STX1B: variants seen among roughly 807,000 people sequenced by gnomAD.
STX1B encodes syntaxin 1B, also known as syntaxin-1B.
Under a neutral mutation model 39.4 loss-of-function variants are expected in STX1B, and 7 were observed. The ratio of observed to expected loss-of-function variants is 0.18; its 90% confidence interval spans 0.10 to 0.33. The LOEUF is 0.33. Ranked by LOEUF, STX1B falls within the 10% of genes least tolerant of loss-of-function variation. STX1B has a pLI of 1.00. For synonymous variants in STX1B, 136 were observed against 144.1 expected (o/e 0.94, Z 0.40); for missense variants, 198 against 383.2 (o/e 0.52, Z 4.04).
At position 30,993,253 on chromosome 16, in the gene STX1B, G is replaced by A. The variant is rs2056573177; in HGVS notation, c.676-13C>T. 6.2e-7 allele frequency: 1 copy of A among 1,613,952 alleles called. No individual in the cohort carries two copies. Among genetic ancestry groups the A allele is most frequent in the Non-Finnish European group, 8.5e-7 (1 of 1,179,918 alleles). ...CAATCATCTCTCCCTGCAGACAGAG[G>A]AGACATGCACAGGGAGGGATGGGGG... On this transcript the variant is annotated splice_polypyrimidine_tract_variant and intron_variant, in intron 8 of 9. Coordinates refer to ENST00000215095, the MANE Select transcript of STX1B (RefSeq NM_052874.5).
intron 7 of STX1B, among the ~76,000 whole-genome samples, chr16:30,993,922 G>A (rs2056576771): frequency 6.6e-6 from 1 of 150,718 alleles, no homozygotes; most frequent in South Asian, 2.1e-4. Flanking sequence ...GGGGGCAGAG[G>A]TTGCAGTGAG....
In STX1B at chr16:30,991,170, A is replaced by G. The variant is rs1343689960; in HGVS notation, c.*1651T>C. The G allele has an allele frequency of 6.5e-6, 1 of 152,700 alleles. No homozygotes were observed. Among genetic ancestry groups the G allele is most frequent in the Non-Finnish European group, 1.5e-5 (1 of 68,080 alleles). The allele number at this position is 152,700 out of a possible 1,614,324, so 9.5% of individuals were successfully genotyped here. A position where few individuals can be genotyped will look rare whatever the true frequency, so the allele number is the denominator to read the frequency against. On this transcript the variant is annotated 3_prime_UTR_variant, in exon 10 of 10. Transcript: ENST00000215095. Reference sequence around the variant, plus strand: ...AAGTAGCCCTTTCCTTCCAGGAGGCATTCGTGTGATCCCCGCACCCATGCC... The same window carrying G: ...AAGTAGCCCTTTCCTTCCAGGAGGCGTTCGTGTGATCCCCGCACCCATGCC...
Position 31,001,851 on chromosome 16 carries a change from G to A in STX1B, c.31-248C>T, listed in dbSNP as rs1418294492. 6.6e-6 allele frequency among the ~76,000 whole-genome samples: 1 copy of A among 152,200 alleles called. No homozygotes were observed. Among genetic ancestry groups the A allele is most frequent in the Admixed American group, 6.5e-5 (1 of 15,290 alleles). ...CTCTCAGGGTGGATGTGGCCTTGGG[G>A]GCGCAGAGCCAGCCTTGACCAGCCA... is the stretch of plus-strand genomic sequence containing the variant. On this transcript the variant is annotated intron_variant, in intron 1 of 9. Transcript: ENST00000215095. This position sits in a 1 kb window ranked among gnomAD's most constrained non-coding sequence, Gnocchi z 5.5.
At chr16:30,998,525 G>A (rs2056607720) in intron 4 of STX1B, among the ~76,000 whole-genome samples, 1 of 152,244 alleles carries the variant, frequency 6.6e-6, no homozygotes, top group Non-Finnish European at 1.5e-5. Context: ...CCGGAGGGAG[G>A]GGTCTCTTAC....
Position 31,001,639 on chromosome 16 carries a change from C to T in STX1B, c.31-36G>A, listed in dbSNP as rs1191256747. 7 of 1,572,202 alleles carry T rather than the reference C, an allele frequency of 4.5e-6. No individual in the cohort carries two copies. Among genetic ancestry groups the T allele is most frequent in the South Asian group, 1.1e-5 (1 of 88,616 alleles). ...GGAAGGCTGAGTCCATGAGCAGGCC[C>T]TACCTGGGTCCCCAAGGCTGGCTCT... On this transcript the variant is annotated intron_variant, in intron 1 of 9. Transcript: ENST00000215095. This position sits in a 1 kb window ranked among gnomAD's most constrained non-coding sequence, Gnocchi z 5.5.
At chr16:31,004,671 G>C (rs529377451) in intron 1 of STX1B, among the ~76,000 whole-genome samples, 1 of 127,968 alleles carries the variant, frequency 7.8e-6, no homozygotes, top group African/African-American at 2.8e-5. Context: ...GCAAGACCCC[G>C]TTTCTTAAAA....
intron 1 of STX1B, among the ~76,000 whole-genome samples, chr16:31,005,769 C>T (rs1039042896): frequency 1.3e-5 from 2 of 152,192 alleles, no homozygotes; most frequent in African/African-American, 4.8e-5. Flanking sequence ...CAGCGCACAG[C>T]TCCTTGAGCA....
intron 1 of STX1B, among the ~76,000 whole-genome samples, chr16:31,009,083 G>C (rs2056668133): frequency 6.6e-6 from 1 of 152,068 alleles, no homozygotes; most frequent in South Asian, 2.1e-4. Flanking sequence ...TTGGCAACCT[G>C]TCTGTCCCCA....
rs1326740170 is a variant in STX1B, at chr16:30,992,635, C to T, written c.*186G>A. On this transcript the variant is annotated 3_prime_UTR_variant, in exon 10 of 10. Coordinates refer to ENST00000215095, the MANE Select transcript of STX1B (RefSeq NM_052874.5). ...AATCACGCCTGCTGCGATCTACGTG[C>T]GGGGACGGGGGGGGGGTCCATGGCC... is the stretch of plus-strand genomic sequence containing the variant. 8 of 397,412 alleles carry T rather than the reference C, an allele frequency of 2.0e-5. No homozygotes were observed. The highest frequency in any genetic ancestry group is 6.5e-5 in the Admixed American group (1 of 15,404). 24.6% of individuals were successfully genotyped at this position (397,412 alleles called of 1,614,324 possible).
In STX1B at chr16:30,997,478, C is replaced by A. The variant is rs755006677; in HGVS notation, c.354+24G>T. The A allele has an allele frequency of 2.5e-6, 4 of 1,587,264 alleles. No individual in the cohort carries two copies. The South Asian group carries it at 4.6e-5, about 18-fold the overall frequency. Reference sequence around the variant, plus strand: ...CTCCCGAGCTGGGTCCCGACCCGACCCCCAATGGGCTGCCGCCTCCTACCT... The same window carrying A: ...CTCCCGAGCTGGGTCCCGACCCGACACCCAATGGGCTGCCGCCTCCTACCT... On this transcript the variant is annotated intron_variant, in intron 5 of 9. Transcript: ENST00000215095.
intron 1 of STX1B, among the ~76,000 whole-genome samples, chr16:31,005,950 G>A (rs138233833): frequency 1.3e-5 from 2 of 152,294 alleles, no homozygotes; most frequent in African/African-American, 4.8e-5. Context: ...GTATGTCGAT[G>A]TGGAGCGACG....
chr16:30,999,643 G>A (rs2056613487), intron 4 of STX1B, among the ~76,000 whole-genome samples: 1 of 152,190 alleles, frequency 6.6e-6, no homozygotes, highest in South Asian at 2.1e-4. Context: ...AGCCACACAA[G>A]TCCAATCTGT....
intron 4 of STX1B, among the ~76,000 whole-genome samples, chr16:30,997,821 G>A (rs762834395): frequency 2.7e-4 from 41 of 152,218 alleles, no homozygotes; most frequent in Non-Finnish European, 5.7e-4. Context: ...AGGGTCACCA[G>A]ACAGAAGGGG....
Position 30,992,242 on chromosome 16 carries a change from C to T in STX1B, c.*579G>A, listed in dbSNP as rs932259126. Reference sequence around the variant, plus strand: ...AATGTGAGTGTGAGTCCACACACACCACCTGCCTGGTTTGTAGCAGACACA... The same window carrying T: ...AATGTGAGTGTGAGTCCACACACACTACCTGCCTGGTTTGTAGCAGACACA... On this transcript the variant is annotated 3_prime_UTR_variant, in exon 10 of 10. Coordinates refer to ENST00000215095, the MANE Select transcript of STX1B (RefSeq NM_052874.5). 1 of 152,878 alleles carries T rather than the reference C, an allele frequency of 6.5e-6. No individual in the cohort carries two copies. The highest frequency in any genetic ancestry group is 1.5e-5 in the Non-Finnish European group (1 of 68,566). The allele number at this position is 152,878 out of a possible 1,614,324, so 9.5% of individuals were successfully genotyped here.
chr16:30,996,432 TGTGA>T (rs2056592254), intron 7 of STX1B: 1 of 434,488 alleles, frequency 2.3e-6, no homozygotes, highest in South Asian at 3.3e-5. Flanking sequence ...GAAGGGGATG[TGTGA>T]GTATTAAATG....
chr16:31,000,118 CT>C (rs1231351271), intron 4 of STX1B, among the ~76,000 whole-genome samples: 1 of 151,754 alleles, frequency 6.6e-6, no homozygotes, highest in East Asian at 1.9e-4. Flanking sequence ...CTGCCTCAGC[CT>C]CCCAAGTGGC....
chr16:31,003,913 G>A (rs2056644192), intron 1 of STX1B, among the ~76,000 whole-genome samples: 1 of 152,204 alleles, frequency 6.6e-6, no homozygotes, highest in Non-Finnish European at 1.5e-5. Context: ...TGAGGGAACA[G>A]GAAGCCAGGG....
intron 1 of STX1B, among the ~76,000 whole-genome samples, chr16:31,002,135 C>G (rs572794804): frequency 6.6e-6 from 1 of 152,104 alleles, no homozygotes; most frequent in African/African-American, 2.4e-5. Context: ...ATAAGAGATA[C>G]GGGCAGCACC....
rs1025792105 is a variant in STX1B at position 30,997,073 on chromosome 16, G to C, written c.355-14C>G. On this transcript the variant is annotated splice_polypyrimidine_tract_variant and intron_variant, in intron 5 of 9. Coordinates refer to ENST00000215095, the MANE Select transcript of STX1B (RefSeq NM_052874.5). ...CAGTGTGGAGTGCTACGGTGGGGGT[G>C]GGGGGACAGACGGATCAGGGAGGTA... is the stretch of plus-strand genomic sequence containing the variant. The C allele has an allele frequency of 5.1e-6, 8 of 1,573,978 alleles. No homozygotes were observed. Among genetic ancestry groups the C allele is most frequent in the Admixed American group, 1.7e-5 (1 of 59,698 alleles).
Sources: allele counts gnomAD v4.1 joint callset (sites outside exome capture counted in the v4.1 genomes callset), GRCh38; gene constraint gnomAD v4.1.1; non-coding constraint Gnocchi (gnomAD v3.1); transcripts MANE v1.5; gene names NCBI Gene and HGNC (gene_info 2026-07-23, HGNC 2026-07-21).